ENTREP2: variants seen among roughly 807,000 people sequenced by gnomAD.
The protein encoded by ENTREP2 is protein ENTREP2.
At chr15:29,464,166 A>C in the ENTREP2 span, among the ~76,000 whole-genome samples, 1 of 152,074 alleles carries the variant, frequency 6.6e-6, no homozygotes, top group Non-Finnish European at 1.5e-5. Context: ...CTGCCACTGA[A>C]CCGTACTCTT....
At chr15:29,521,555 G>A in the ENTREP2 span, among the ~76,000 whole-genome samples, 48 of 152,236 alleles carry the variant, frequency 3.2e-4, no homozygotes, top group South Asian at 9.6e-3. Flanking sequence ...TATCTGTCTT[G>A]CAACCATTTG....
chr15:29,176,099 C>T, the ENTREP2 span, among the ~76,000 whole-genome samples: 1 of 152,242 alleles, frequency 6.6e-6, no homozygotes, highest in Non-Finnish European at 1.5e-5. Context: ...TTTCAACGAT[C>T]TTATTAGCCT....
chr15:29,625,650 C>T, the ENTREP2 span, among the ~76,000 whole-genome samples: 1 of 152,050 alleles, frequency 6.6e-6, no homozygotes, highest in Non-Finnish European at 1.5e-5. Context: ...CCACCTCAGC[C>T]TCCCAAAGTG....
the ENTREP2 span, among the ~76,000 whole-genome samples, chr15:29,657,196 C>T: frequency 5.3e-5 from 8 of 151,692 alleles, no homozygotes; most frequent in Non-Finnish European, 1.0e-4. Context: ...TACACGCGCC[C>T]ACCACCACGC....
the ENTREP2 span, among the ~76,000 whole-genome samples, chr15:29,260,221 C>T: frequency 1.3e-5 from 2 of 152,336 alleles, no homozygotes; most frequent in Middle Eastern, 6.8e-3. Context: ...CACTTCCTAA[C>T]TCATTTCATG....
chr15:29,422,553 G>C, the ENTREP2 span, among the ~76,000 whole-genome samples: 1 of 152,194 alleles, frequency 6.6e-6, no homozygotes, highest in Non-Finnish European at 1.5e-5. Context: ...TAGAGTACAA[G>C]ACAACTATCC....
At chr15:29,570,550 G>T in the ENTREP2 span, 1 of 1,467,820 alleles carries the variant, frequency 6.8e-7, no homozygotes. Flanking sequence ...CGCGGGCCGA[G>T]GTGGTGAGCG....
At chr15:29,510,244 A>G in the ENTREP2 span, among the ~76,000 whole-genome samples, 9 of 152,288 alleles carry the variant, frequency 5.9e-5, no homozygotes, top group Non-Finnish European at 1.0e-4. Flanking sequence ...AAAAGTCAGG[A>G]AACAAAAGAT....
At chr15:29,397,000 ATACAT>A in the ENTREP2 span, among the ~76,000 whole-genome samples, 1 of 152,354 alleles carries the variant, frequency 6.6e-6, no homozygotes, top group Middle Eastern at 3.4e-3. Context: ...ACAAACCAAA[ATACAT>A]TACAAGATGA....
the ENTREP2 span, among the ~76,000 whole-genome samples, chr15:29,208,625 AAC>A: frequency 1.5e-4 from 23 of 152,332 alleles, no homozygotes; most frequent in East Asian, 2.9e-3. Context: ...AACTTCGGAA[AAC>A]ACACAGTTTG....
the ENTREP2 span, among the ~76,000 whole-genome samples, chr15:29,270,184 T>C: frequency 6.6e-6 from 1 of 152,170 alleles, no homozygotes; most frequent in East Asian, 1.9e-4. Context: ...AACATTTATT[T>C]CTACACAAAA....
the ENTREP2 span, among the ~76,000 whole-genome samples, chr15:29,185,511 G>A: frequency 6.6e-6 from 1 of 152,096 alleles, no homozygotes; most frequent in African/African-American, 2.4e-5. Context: ...GCTTTCATTT[G>A]CCCTGCTGCC....
At chr15:29,350,243 A>G in the ENTREP2 span, among the ~76,000 whole-genome samples, 1 of 152,144 alleles carries the variant, frequency 6.6e-6, no homozygotes, top group African/African-American at 2.4e-5. Context: ...AAGTTTGGCT[A>G]TATTATTTAT....
the ENTREP2 span, among the ~76,000 whole-genome samples, chr15:29,202,747 G>T: frequency 6.6e-6 from 1 of 152,038 alleles, no homozygotes; most frequent in Non-Finnish European, 1.5e-5. Flanking sequence ...TTGGTTTTCT[G>T]TTCCTGTGTT....
At chr15:29,419,139 G>A in the ENTREP2 span, among the ~76,000 whole-genome samples, 1 of 152,212 alleles carries the variant, frequency 6.6e-6, no homozygotes, top group Non-Finnish European at 1.5e-5. Flanking sequence ...CACAGTCCTT[G>A]CTTCAATGAA....
chr15:29,159,791 G>A, the ENTREP2 span, among the ~76,000 whole-genome samples: 9 of 152,298 alleles, frequency 5.9e-5, no homozygotes, highest in Non-Finnish European at 8.8e-5. Context: ...ACAGAGTGCC[G>A]ACTGGTGTAT....
chr15:29,660,252 A>T, the ENTREP2 span, among the ~76,000 whole-genome samples: 408 of 152,338 alleles, frequency 2.7e-3, 2 homozygotes, highest in Non-Finnish European at 4.5e-3. Flanking sequence ...AGTATTGCCA[A>T]TGTGATAGTA....
chr15:29,625,099 T>C, the ENTREP2 span, among the ~76,000 whole-genome samples: 1 of 152,144 alleles, frequency 6.6e-6, no homozygotes, highest in Non-Finnish European at 1.5e-5. Context: ...TGAGGATGTT[T>C]TGAAATGAAC....
At chr15:29,146,939 A>G in the ENTREP2 span, among the ~76,000 whole-genome samples, 1,945 of 140,900 alleles carry the variant, frequency 0.014, 36 homozygotes, top group African/African-American at 0.047. Flanking sequence ...CATCTTGGGG[A>G]AAAAAAAAAA....
Sources: gnomAD v4.1 joint callset for allele counts (sites outside exome capture counted in the v4.1 genomes callset) on GRCh38, gnomAD v4.1.1 for gene constraint, MANE v1.5 for transcripts, NCBI Gene and HGNC (gene_info 2026-07-23, HGNC 2026-07-21) for gene names.